Variants in SMIM41 observed in about 807,000 individuals in gnomAD.
SMIM41 encodes small integral membrane protein 41.
At chr12:52,106,976 T>G (rs1940352607) in intron 2 of SMIM41, among the ~76,000 whole-genome samples, 1 of 152,246 alleles carries the variant, frequency 6.6e-6, no homozygotes, top group African/African-American at 2.4e-5. Context: ...ACCTTTTTCT[T>G]AAAGTGAAGA....
chr12:52,090,613 A>T (rs765813274), intron 2 of SMIM41, among the ~76,000 whole-genome samples: 42 of 152,184 alleles, frequency 2.8e-4, no homozygotes, highest in Non-Finnish European at 4.6e-4. Context: ...TGGGTCTTCT[A>T]TGGAGAGCCA....
chr12:52,086,537 C>G (rs1191781038), intron 2 of SMIM41, among the ~76,000 whole-genome samples: 2 of 152,230 alleles, frequency 1.3e-5, no homozygotes. Context: ...AGCTGCCAGG[C>G]TGCCCTTCCC....
At chr12:52,105,530 A>G (rs956491611) in intron 2 of SMIM41, among the ~76,000 whole-genome samples, 2 of 152,204 alleles carry the variant, frequency 1.3e-5, no homozygotes, top group Non-Finnish European at 2.9e-5. Context: ...AGGCAGGCGA[A>G]TCACAAGTTC....
chr12:52,098,816 G>C (rs1940157705), intron 2 of SMIM41, among the ~76,000 whole-genome samples: 2 of 151,844 alleles, frequency 1.3e-5, no homozygotes, highest in African/African-American at 4.8e-5. Context: ...GGTATCAGAG[G>C]GGGAGGGTGT....
intron 2 of SMIM41, among the ~76,000 whole-genome samples, chr12:52,101,349 C>G (rs1037985498): frequency 4.6e-5 from 7 of 152,144 alleles, no homozygotes; most frequent in Admixed American, 2.0e-4. Context: ...CACTTGAACT[C>G]GGGAGGCGGA....
chr12:52,086,122 G>A lies in SMIM41; in HGVS notation c.*195+2154G>A, dbSNP rs530112625. On this transcript the variant is annotated intron_variant, in intron 2 of 2. Transcript: ENST00000546390. ...GCAGGAGCAGACAAGGAGTGCTCAG[G>A]GATGGGGGAGGGAGCCCGAGGAGTG... Among the ~76,000 whole-genome samples the A allele has an allele frequency of 4.0e-4, 61 of 152,334 alleles. 1 individual carries two copies. The South Asian group carries it at 0.012, about 30-fold the overall frequency.
intron 1 of SMIM41, 105 bp downstream of exon 1, chr12:52,080,286 A>G (rs1939798496): frequency 5.8e-6 from 1 of 171,748 alleles, no homozygotes; most frequent in Admixed American, 6.4e-5. Context: ...CTGTCTTTGG[A>G]GAATGAGTCG....
chr12:52,095,121 T>G (rs1210898493), intron 2 of SMIM41, among the ~76,000 whole-genome samples: 3 of 152,134 alleles, frequency 2.0e-5, no homozygotes, highest in Non-Finnish European at 4.4e-5. Flanking sequence ...AATTAAAATT[T>G]TTTTTTTGTA....
chr12:52,098,643 A>T (rs1940149677), intron 2 of SMIM41, among the ~76,000 whole-genome samples: 1 of 150,552 alleles, frequency 6.6e-6, no homozygotes, highest in African/African-American at 2.4e-5. Context: ...TCCCCTAGAT[A>T]TTAGGAAAAA....
At chr12:52,082,591 G>A (rs1053274968) in intron 1 of SMIM41, among the ~76,000 whole-genome samples, 1 of 152,092 alleles carries the variant, frequency 6.6e-6, no homozygotes, top group African/African-American at 2.4e-5. Flanking sequence ...GCTCCAGCTG[G>A]GAGTGAGATG....
chr12:52,089,699 G>A (rs1051198050), intron 2 of SMIM41, among the ~76,000 whole-genome samples: 7 of 152,278 alleles, frequency 4.6e-5, no homozygotes, highest in Non-Finnish European at 7.4e-5. Flanking sequence ...GGTGGTGGCC[G>A]GCAATATCTG....
At chr12:52,094,126 A>T (rs1439162585) in intron 2 of SMIM41, among the ~76,000 whole-genome samples, 1 of 71,530 alleles carries the variant, frequency 1.4e-5, no homozygotes, top group Admixed American at 1.6e-4. Context: ...GCAAGACTCC[A>T]TCTCCGGAAA....
intron 2 of SMIM41, among the ~76,000 whole-genome samples, chr12:52,090,107 G>C (rs570591405): frequency 3.0e-4 from 45 of 152,246 alleles, no homozygotes; most frequent in African/African-American, 1.1e-3. Context: ...GAATTGCTCT[G>C]TTGCCAAGGC....
intron 2 of SMIM41, among the ~76,000 whole-genome samples, chr12:52,103,183 C>T (rs1940255042): frequency 2.0e-5 from 3 of 151,602 alleles, no homozygotes; most frequent in Admixed American, 6.6e-5. Context: ...AAAAATTAGA[C>T]GAGCGTGGTG....
At chr12:52,105,007 T>C (rs550733075) in intron 2 of SMIM41, among the ~76,000 whole-genome samples, 1 of 152,374 alleles carries the variant, frequency 6.6e-6, no homozygotes, top group Admixed American at 6.5e-5. Context: ...TGCATTTTCA[T>C]ATAACTTGTA....
intron 2 of SMIM41, chr12:52,092,722 C>A (rs543226086): frequency 6.6e-6 from 1 of 152,222 alleles, no homozygotes; most frequent in East Asian, 1.9e-4. Context: ...AAAACAAAAC[C>A]AAACCAAACC....
At chr12:52,083,787 G>A (rs911247706) in intron 1 of SMIM41, 107 bp from the exon 2 acceptor site, 1 of 152,168 alleles carries the variant, frequency 6.6e-6, no homozygotes, top group Non-Finnish European at 1.5e-5. Context: ...AATATCATAG[G>A]TTTGTCATTG....
At chr12:52,092,903 T>A (rs1397429069) in intron 2 of SMIM41, among the ~76,000 whole-genome samples, 3 of 152,214 alleles carry the variant, frequency 2.0e-5, no homozygotes, top group African/African-American at 7.2e-5. Context: ...CATTTTGGGC[T>A]GGGCATGGCG....
chr12:52,081,327 C>T lies in SMIM41; in HGVS notation c.*120+1146C>T, dbSNP rs916297553. Among the ~76,000 whole-genome samples, 11 of 152,064 alleles carry T rather than the reference C, an allele frequency of 7.2e-5. No homozygotes were observed. The highest frequency in any genetic ancestry group is 4.1e-4 in the South Asian group (2 of 4,826). On this transcript the variant is annotated intron_variant, in intron 1 of 2. Transcript: ENST00000546390. The surrounding 1 kb of genome is among the most constrained non-coding windows in gnomAD (Gnocchi z 4.1). Reference sequence around the variant, plus strand: ...GTAGGGCAGGGTCCCAGTTTCCATCCGAGAAAGGAGTCAGGCTGAGTGCCT... The same window carrying T: ...GTAGGGCAGGGTCCCAGTTTCCATCTGAGAAAGGAGTCAGGCTGAGTGCCT...
Sources: gnomAD v4.1 joint callset for allele counts (sites outside exome capture counted in the v4.1 genomes callset) on GRCh38, gnomAD v4.1.1 for gene constraint, Gnocchi (gnomAD v3.1) non-coding constraint, MANE v1.5 for transcripts, NCBI Gene and HGNC (gene_info 2026-07-23, HGNC 2026-07-21) for gene names.